Variants in IKZF2 observed in about 807,000 individuals in gnomAD.
The protein encoded by IKZF2 is IKAROS family zinc finger 2, also known as zinc finger protein Helios.
A neutral mutation model predicts 49.2 loss-of-function variants in IKZF2; 15 were observed. The observed-to-expected ratio is 0.30, with a 90% CI of 0.20 to 0.47. The LOEUF (loss-of-function observed/expected upper bound fraction) is 0.47. IKZF2 is among the 20% of genes least tolerant of loss of function. The pLI is 1.00. For missense variants in IKZF2, 567 were observed against 664.6 expected (o/e 0.85, Z 1.61); for synonymous variants, 227 against 221.4 (o/e 1.03, Z -0.23).
chr2:213,070,785 T>G (rs774065213), intron 4 of IKZF2, among the ~76,000 whole-genome samples: 20 of 151,686 alleles, frequency 1.3e-4, no homozygotes, highest in Non-Finnish European at 1.2e-4. Flanking sequence ...GACAGGAGAG[T>G]CAACGACGGT....
At chr2:213,150,534 T>C in intron 1 of IKZF2, 2 of 207,506 alleles carry the variant, frequency 9.6e-6, no homozygotes, top group South Asian at 7.5e-5. Flanking sequence ...GATGGTCTAG[T>C]AGGAAAAGTC....
chr2:213,046,899 C>T (rs919104920), intron 6 of IKZF2, among the ~76,000 whole-genome samples: 1 of 152,020 alleles, frequency 6.6e-6, no homozygotes, highest in Non-Finnish European at 1.5e-5. Flanking sequence ...AGTAGGGACA[C>T]AGAAACTATG....
chr2:213,062,008 T>C (rs1205156985), intron 4 of IKZF2, among the ~76,000 whole-genome samples: 2 of 151,592 alleles, frequency 1.3e-5, no homozygotes, highest in South Asian at 2.1e-4. Flanking sequence ...GATTTTGCAG[T>C]CTGGAAATTT....
intron 2 of IKZF2, among the ~76,000 whole-genome samples, chr2:213,149,749 C>T (rs2061209760): frequency 6.6e-6 from 1 of 151,140 alleles, no homozygotes; most frequent in Admixed American, 6.6e-5. Flanking sequence ...TCTCCCTCCC[C>T]TCCCCTTCTT....
intron 7 of IKZF2, among the ~76,000 whole-genome samples, chr2:213,015,603 G>A (rs1696494772): frequency 6.6e-6 from 1 of 151,994 alleles, no homozygotes; most frequent in Admixed American, 6.6e-5. Context: ...GTGTGGTGGA[G>A]AACCAGGTAA....
intron 4 of IKZF2, among the ~76,000 whole-genome samples, chr2:213,122,091 CAGACAGAG>C (rs757764970): frequency 1.5e-3 from 235 of 152,216 alleles, no homozygotes; most frequent in Middle Eastern, 3.4e-3. Flanking sequence ...AAAGAAAAGA[CAGACAGAG>C]AGACAGAGAG....
intron 2 of IKZF2, among the ~76,000 whole-genome samples, chr2:213,149,246 C>T (rs1288774183): frequency 1.3e-5 from 2 of 152,152 alleles, no homozygotes; most frequent in Non-Finnish European, 2.9e-5. Flanking sequence ...TCAATGTAAC[C>T]TTAATTTCCT....
At position 213,137,784 on chromosome 2, in the gene IKZF2, T is replaced by C. The variant is rs559109189; in HGVS notation, c.139+9924A>G. On this transcript the variant is annotated intron_variant, in intron 4 of 8. Transcript: ENST00000434687. The stretch of plus-strand genomic sequence containing the variant: ...AAAATGGCCATGAAAGAAAATGTTT[T>C]ATATACTTGTAGAAGAAATTATGCC... 2.1e-3 allele frequency among the ~76,000 whole-genome samples: 327 copies of C among 152,226 alleles called. 1 individual carries two copies. The highest frequency in any genetic ancestry group is 7.5e-3 in the African/African-American group (312 of 41,572).
At chr2:213,147,241 T>A (rs2125987027) in intron 4 of IKZF2, 1 of 210,210 alleles carries the variant, frequency 4.8e-6, no homozygotes, top group Admixed American at 5.3e-5. Flanking sequence ...ACACTTCACT[T>A]CCAATGCTTT....
chr2:213,050,577 C>A (rs1700586976), intron 5 of IKZF2, among the ~76,000 whole-genome samples: 1 of 152,084 alleles, frequency 6.6e-6, no homozygotes, highest in Non-Finnish European at 1.5e-5. Context: ...ATAGTAAAAC[C>A]TTTAGCAAAA....
chr2:213,068,062 C>A (rs933721285), intron 4 of IKZF2, among the ~76,000 whole-genome samples: 1 of 152,056 alleles, frequency 6.6e-6, no homozygotes, highest in Non-Finnish European at 1.5e-5. Context: ...CTTTCTAAAG[C>A]TCATAACTAA....
In IKZF2 at chr2:213,002,214, C is replaced by G. The variant is rs1256825316; in HGVS notation, c.*5146G>C. The G allele has an allele frequency of 6.6e-6, 1 of 151,452 alleles. No individual in the cohort carries two copies. The highest frequency in any genetic ancestry group is 2.4e-5 in the African/African-American group (1 of 41,374). The allele number at this position is 151,452 out of a possible 1,614,324, so 9.4% of individuals were successfully genotyped here. A position where few individuals can be genotyped will look rare whatever the true frequency, so the allele number is the denominator to read the frequency against. On this transcript the variant is annotated 3_prime_UTR_variant, in exon 9 of 9. Transcript: ENST00000434687. ...TAGAAAACTAGTCATTCATGTACCA[C>G]TCTCTGTATGGGATAAAGGTTAATA...
Position 213,013,820 on chromosome 2 carries a change from C to T in IKZF2, c.827G>A (p.Arg276His), listed in dbSNP as rs1696255027. Residue 276 changes from arginine (R) to histidine (H), a missense_variant, in exon 8 of 9, where the codon CGT becomes CAT. Arg to His is a conservative substitution (Grantham distance 29, BLOSUM62 0). Around this residue, in one of 5 missense-constraint regions of IKZF2, gnomAD observed 310 missense variants for 326.9 expected, o/e 0.95. Coordinates refer to ENST00000434687, the MANE Select transcript of IKZF2 (RefSeq NM_001387220.1). ...IEKLTGNMGK[R>H]KSSTPQKFVG... ...AAACTTTTGTGGAGTGGAGCTTTTA[C>T]GTTTTCCCATATTCCCCGTGAGCTT... 2 of 1,611,116 alleles carry T rather than the reference C, an allele frequency of 1.2e-6. No individual in the cohort carries two copies. Among genetic ancestry groups the T allele is most frequent in the Non-Finnish European group, 1.7e-6 (2 of 1,178,172 alleles).
chr2:213,072,044 G>A (rs763187055), intron 4 of IKZF2, among the ~76,000 whole-genome samples: 60 of 151,966 alleles, frequency 3.9e-4, no homozygotes, highest in Non-Finnish European at 3.2e-4. Context: ...TAATAGCTTG[G>A]TTAAAATTTC....
intron 4 of IKZF2, among the ~76,000 whole-genome samples, chr2:213,072,929 A>G (rs16849639): frequency 0.11 from 17,422 of 152,122 alleles, 2,619 homozygotes; most frequent in African/African-American, 0.35. Flanking sequence ...AGCTTCTTCA[A>G]TACTCTCAAA....
chr2:213,120,770 T>A (rs1221450812), intron 4 of IKZF2, among the ~76,000 whole-genome samples: 2 of 152,144 alleles, frequency 1.3e-5, no homozygotes, highest in Non-Finnish European at 2.9e-5. Flanking sequence ...TTTGAGACAG[T>A]CTCGTAGTAA....
intron 6 of IKZF2, among the ~76,000 whole-genome samples, chr2:213,032,655 G>T (rs1698578869): frequency 6.6e-6 from 1 of 152,142 alleles, no homozygotes; most frequent in African/African-American, 2.4e-5. Context: ...AGAGGCTGAG[G>T]TGGGAGGATC....
chr2:213,056,638 T>C (rs1318787889), intron 5 of IKZF2, 195 bp downstream of exon 5: 3 of 714,156 alleles, frequency 4.2e-6, no homozygotes, highest in Admixed American at 2.0e-5. Flanking sequence ...TTTTCTGATA[T>C]GCTATTCAGA....
At chr2:213,050,183 C>A (rs74769235) in intron 5 of IKZF2, among the ~76,000 whole-genome samples, 2 of 152,110 alleles carry the variant, frequency 1.3e-5, no homozygotes, top group Non-Finnish European at 2.9e-5. Context: ...CACTTTAGGG[C>A]CTTACACACA....
Sources: allele counts gnomAD v4.1 joint callset (sites outside exome capture counted in the v4.1 genomes callset), GRCh38; gene constraint gnomAD v4.1.1; regional missense constraint gnomAD v4.1.1; transcripts MANE v1.5; gene names NCBI Gene and HGNC (gene_info 2026-07-23, HGNC 2026-07-21).